The following MRPS27 variants were observed in gnomAD, a reference collection of about 807,000 sequenced individuals.
MRPS27 encodes the protein small ribosomal subunit protein mS27.
A neutral mutation model predicts 48.9 loss-of-function variants in MRPS27; 43 were observed. The observed-to-expected ratio is 0.88, with a 90% confidence interval of 0.69 to 1.13. The LOEUF is 1.13. Among genes scored for constraint, MRPS27 ranks in the 50% most tolerant of loss-of-function variants. The pLI is 0.00. For missense variants in MRPS27, 467 were observed against 476.3 expected, an observed-to-expected ratio of 0.98 and a Z score of 0.18; for synonymous variants, 188 against 171.9, an observed-to-expected ratio of 1.09 and a Z score of -0.73.
intron 4 of MRPS27, among the ~76,000 whole-genome samples, chr5:72,239,204 C>T (rs1037139735): frequency 6.6e-6 from 1 of 152,126 alleles, no homozygotes; most frequent in African/African-American, 2.4e-5. Flanking sequence ...CAGATGAATA[C>T]TAGTGGCTTT....
At chr5:72,256,754 G>A (rs1489623610) in intron 4 of MRPS27, among the ~76,000 whole-genome samples, 2 of 152,104 alleles carry the variant, frequency 1.3e-5, no homozygotes, top group African/African-American at 4.8e-5. Context: ...CAAAACAATA[G>A]GTCTGTTATT....
chr5:72,282,351 C>A (rs1749553911), intron 4 of MRPS27, among the ~76,000 whole-genome samples: 1 of 152,152 alleles, frequency 6.6e-6, no homozygotes, highest in Non-Finnish European at 1.5e-5. Flanking sequence ...CTGAAACGAT[C>A]TCTTAATTAT....
rs546834705 is a variant in MRPS27 at position 72,262,751 on chromosome 5, TA to T, written c.282-24624del. ...CTGGAACAAAGTGAGGTCTTTTTTTTATTATTATTAAATATATTTTTAATTT... is the reference window on the plus strand; with the variant it reads ...CTGGAACAAAGTGAGGTCTTTTTTTTTTATTATTAAATATATTTTTAATTT... On this transcript the variant is annotated intron_variant, in intron 4 of 10. Transcript: ENST00000261413. Among the ~76,000 whole-genome samples the T allele has an allele frequency of 3.7e-3, 561 of 151,896 alleles. 1 individual carries two copies. The highest frequency in any genetic ancestry group is 0.013 in the African/African-American group (546 of 41,464).
rs1748038766 is a variant in MRPS27 at position 72,230,732 on chromosome 5, T to C, written c.591+1711A>G. 2.6e-5 allele frequency among the ~76,000 whole-genome samples: 4 copies of C among 152,276 alleles called. 1 individual carries two copies. The highest frequency in any genetic ancestry group is 9.6e-5 in the African/African-American group (4 of 41,576). On this transcript the variant is annotated intron_variant, in intron 7 of 10. Transcript: ENST00000261413. ...ACTGTCTCAATTTCAAAATGCAACA[T>C]GTTCAGAGTCACATTAATGATTTTT...
At chr5:72,297,935 A>T (rs539128039) in intron 2 of MRPS27, among the ~76,000 whole-genome samples, 5 of 152,304 alleles carry the variant, frequency 3.3e-5, no homozygotes, top group Middle Eastern at 3.4e-3. Flanking sequence ...TTTAGCTTTT[A>T]AAAAAATGGA....
intron 2 of MRPS27, among the ~76,000 whole-genome samples, chr5:72,307,701 G>T (rs138368188): frequency 6.6e-6 from 1 of 152,002 alleles, no homozygotes; most frequent in African/African-American, 2.4e-5. Flanking sequence ...GGCGTTAGAA[G>T]TCAGGATACC....
chr5:72,274,748 C>T (rs1749331390), intron 4 of MRPS27, among the ~76,000 whole-genome samples: 1 of 152,142 alleles, frequency 6.6e-6, no homozygotes, highest in Admixed American at 6.5e-5. Flanking sequence ...AGCATCACCA[C>T]AAACACACAA....
At chr5:72,300,827 AAATCAGCC>A (rs1381321813) in intron 2 of MRPS27, among the ~76,000 whole-genome samples, 5 of 152,252 alleles carry the variant, frequency 3.3e-5, no homozygotes, top group Non-Finnish European at 5.9e-5. Context: ...TTTAAAAGAT[AAATCAGCC>A]AATCAGGATA....
chr5:72,226,025 A>C lies in MRPS27; in HGVS notation c.837+32T>G, dbSNP rs1478516486. ...CTCAGGTTATGGGAAACAGATGGCTAAATCTCACTGCCTTAGAGCTGAAGA... is the reference window on the plus strand; with the variant it reads ...CTCAGGTTATGGGAAACAGATGGCTCAATCTCACTGCCTTAGAGCTGAAGA... On this transcript the variant is annotated intron_variant, in intron 9 of 10. Coordinates refer to ENST00000261413, the MANE Select transcript of MRPS27 (RefSeq NM_015084.3). The C allele has an allele frequency of 1.9e-6, 3 of 1,590,974 alleles. No homozygotes were observed. The African/African-American group carries it at 4.0e-5, about 21-fold the overall frequency.
At position 72,280,111 on chromosome 5, in the gene MRPS27, T is replaced by C. The variant is rs921244046; in HGVS notation, c.281+15420A>G. On this transcript the variant is annotated intron_variant, in intron 4 of 10. Transcript: ENST00000261413. ...ACATCTAAGCCATTATCTTCATTTGTATTTTTTGTAGCTTTCTAATAAGTC... is the reference window on the plus strand; with the variant it reads ...ACATCTAAGCCATTATCTTCATTTGCATTTTTTGTAGCTTTCTAATAAGTC... Among the ~76,000 whole-genome samples, 18 of 152,346 alleles carry C rather than the reference T, an allele frequency of 1.2e-4. No individual in the cohort carries two copies. The East Asian group carries it at 3.1e-3, about 26-fold the overall frequency.
intron 4 of MRPS27, among the ~76,000 whole-genome samples, chr5:72,255,502 A>G (rs1434809787): frequency 1.3e-5 from 2 of 152,186 alleles, no homozygotes; most frequent in East Asian, 3.8e-4. Context: ...CCATTGTTCA[A>G]TGCCCATGCC....
At chr5:72,293,688 T>C (rs533771031) in intron 4 of MRPS27, among the ~76,000 whole-genome samples, 9 of 152,222 alleles carry the variant, frequency 5.9e-5, no homozygotes, top group Admixed American at 4.6e-4. Flanking sequence ...TAAATACTTG[T>C]TGAAATGCTG....
chr5:72,245,885 T>C (rs1748500074), intron 4 of MRPS27, among the ~76,000 whole-genome samples: 1 of 152,220 alleles, frequency 6.6e-6, no homozygotes, highest in Non-Finnish European at 1.5e-5. Context: ...AAGAAAAGCA[T>C]CTCAGTATTT....
intron 2 of MRPS27, among the ~76,000 whole-genome samples, chr5:72,298,712 CAAAAAAAAAAACAA>C (rs1228559946): frequency 2.0e-4 from 6 of 30,562 alleles, no homozygotes; most frequent in African/African-American, 8.0e-4. Context: ...GACTCCGTCT[CAAAAAAAAAAACAA>C]AAAAAAAAAA....
intron 2 of MRPS27, among the ~76,000 whole-genome samples, chr5:72,304,363 T>C (rs1750201501): frequency 6.6e-6 from 1 of 152,164 alleles, no homozygotes; most frequent in Non-Finnish European, 1.5e-5. Flanking sequence ...TTGGTAATCA[T>C]GAAATGATAA....
rs552593027 is a variant in MRPS27 at position 72,260,469 on chromosome 5, C to T, written c.282-22341G>A. 7.9e-5 allele frequency among the ~76,000 whole-genome samples: 12 copies of T among 152,272 alleles called. No individual in the cohort carries two copies. In the South Asian group the frequency reaches 1.9e-3, roughly 24 times the overall value. On this transcript the variant is annotated intron_variant, in intron 4 of 10. Coordinates refer to ENST00000261413, the MANE Select transcript of MRPS27 (RefSeq NM_015084.3). ...CTTTCAACCTACAGACTCCTAATTTCAAGAAAATCACATTTACTTTTCAGC... is the reference window on the plus strand; with the variant it reads ...CTTTCAACCTACAGACTCCTAATTTTAAGAAAATCACATTTACTTTTCAGC...
intron 5 of MRPS27, among the ~76,000 whole-genome samples, chr5:72,235,217 A>T (rs1748170127): frequency 1.3e-5 from 2 of 152,136 alleles, no homozygotes; most frequent in African/African-American, 4.8e-5. Context: ...CCAAATCAGT[A>T]TTAATCCCTA....
chr5:72,221,008 C>T lies in MRPS27; in HGVS notation c.1146G>A (p.Trp382Ter), dbSNP rs1250074498. Residue 382 changes from tryptophan to a stop codon, truncating the protein, a stop_gained, in exon 11 of 11, where the codon TGG (tryptophan) becomes TGA (stop). Coordinates refer to ENST00000261413, the MANE Select transcript of MRPS27 (RefSeq NM_015084.3). LOFTEE classifies it low-confidence loss of function (END_TRUNC). ...GGATCAACTGTACAAGGTCTAGATG[C>T]CACTGCTGCAGATTCTGCTCATAGG... Reference protein sequence around the residue: ...IATYEQNLQQWHLDLVQLIQR... With the variant: ...IATYEQNLQQ 1.9e-6 allele frequency: 3 copies of T among 1,614,186 alleles called. No individual in the cohort carries two copies. In the South Asian group the frequency reaches 3.3e-5, roughly 18 times the overall value.
chr5:72,260,188 C>A (rs1334615268), intron 4 of MRPS27, among the ~76,000 whole-genome samples: 1 of 152,112 alleles, frequency 6.6e-6, no homozygotes, highest in Admixed American at 6.5e-5. Flanking sequence ...GATAAATATG[C>A]TTTACTAAAA....
Sources: gnomAD v4.1 joint callset for allele counts (sites outside exome capture counted in the v4.1 genomes callset) on GRCh38, gnomAD v4.1.1 for gene constraint, MANE v1.5 for transcripts, NCBI Gene and HGNC (gene_info 2026-07-23, HGNC 2026-07-21) for gene names.